ZFP30: variants seen among roughly 807,000 people sequenced by gnomAD.
ZFP30 encodes the protein ZFP30 zinc finger protein.
In ZFP30, 16 loss-of-function variants were observed where a neutral mutation model predicts 12.3. The ratio of observed to expected loss-of-function variants is 1.30; its 90% CI spans 0.88 to 1.98. The LOEUF (loss-of-function observed/expected upper bound fraction) is 1.98. Among genes scored for constraint, ZFP30 ranks in the 30% most tolerant of loss-of-function variants. The probability of loss-of-function intolerance (pLI) is 0.00; values close to 1 mark genes in which losing one functional copy is unlikely to be tolerated. For synonymous variants in ZFP30, 172 were observed against 201.0 expected (o/e 0.86, Z 1.22); for missense variants, 560 against 611.2 (o/e 0.92, Z 0.88).
chr19:37,650,683 C>T (rs2044630964), intron 2 of ZFP30, among the ~76,000 whole-genome samples: 1 of 152,086 alleles, frequency 6.6e-6, no homozygotes, highest in Non-Finnish European at 1.5e-5. Context: ...ACTCAACTCC[C>T]ACCCACATAT....
At position 37,633,334 on chromosome 19, in the gene ZFP30, A is replaced by G. The variant is rs16958863; in HGVS notation, c.*1647T>C. On this transcript the variant is annotated 3_prime_UTR_variant, in exon 6 of 6. Transcript: ENST00000684514. Reference sequence around the variant, plus strand: ...AATGTGTAGAGCTTTGGCAACATCCACAAGTTTTAATATGTAGAAATTTTC... The same window carrying G: ...AATGTGTAGAGCTTTGGCAACATCCGCAAGTTTTAATATGTAGAAATTTTC... 0.25 allele frequency: 38,208 copies of G among 151,056 alleles called. 5,468 individuals carry two copies. Among genetic ancestry groups the G allele is most frequent in the East Asian group, 0.63 (3,256 of 5,128 alleles). 9.4% of individuals were successfully genotyped at this position (151,056 alleles called of 1,614,324 possible). A position where few individuals can be genotyped will look rare whatever the true frequency, so the allele number is the denominator to read the frequency against.
chr19:37,647,874 A>AG lies in ZFP30; in HGVS notation c.-53dup. ...ATTTTCCTCAAGGTTCATGTACTTC[A>AG]GAAGCAGGGTCCACAGACACCAGAG... On this transcript the variant is annotated 5_prime_UTR_variant, in exon 3 of 6. Coordinates refer to ENST00000684514, the MANE Select transcript of ZFP30 (RefSeq NM_001320669.3). 6.2e-7 allele frequency: 1 copy of AG among 1,607,492 alleles called. No individual in the cohort carries two copies. The highest frequency in any genetic ancestry group is 8.5e-7 in the Non-Finnish European group (1 of 1,173,996).
At chr19:37,646,532 A>G (rs1457702732) in intron 3 of ZFP30, among the ~76,000 whole-genome samples, 1 of 152,132 alleles carries the variant, frequency 6.6e-6, no homozygotes, top group African/African-American at 2.4e-5. Flanking sequence ...AAGGTAAAAC[A>G]TATTGATGAT....
chr19:37,645,321 C>T lies in ZFP30; in HGVS notation c.10-585G>A, dbSNP rs117370852. 6.9e-3 allele frequency among the ~76,000 whole-genome samples: 1,047 copies of T among 152,058 alleles called. 32 individuals are homozygous for T. Among genetic ancestry groups the T allele is most frequent in the East Asian group, 0.055 (284 of 5,176 alleles). On this transcript the variant is annotated intron_variant, in intron 3 of 5. Transcript: ENST00000684514. ...GGAAGCCTGTGATGTGGGAAGGTGG[C>T]AATAAAGATGTGAGTGTGACTGAAG...
chr19:37,637,259 G>A (rs942467951), intron 5 of ZFP30, among the ~76,000 whole-genome samples: 5 of 147,496 alleles, frequency 3.4e-5, no homozygotes, highest in Non-Finnish European at 4.5e-5. Flanking sequence ...AGCTGGAGTG[G>A]AATGGCGCAA....
At chr19:37,647,274 T>C (rs953066245) in intron 3 of ZFP30, among the ~76,000 whole-genome samples, 1 of 152,164 alleles carries the variant, frequency 6.6e-6, no homozygotes, top group Non-Finnish European at 1.5e-5. Context: ...CTGGTACAAT[T>C]TGGCTGTGTC....
chr19:37,634,786 C>T lies in ZFP30; in HGVS notation c.*195G>A. On this transcript the variant is annotated 3_prime_UTR_variant, in exon 6 of 6. Transcript: ENST00000684514. ...AAAGTTCTTTTCTAGGATGAATTTC[C>T]TAAAGTTTAACATGGTTTCAAAGGT... 1.8e-6 allele frequency: 1 copy of T among 563,936 alleles called. No homozygotes were observed. The highest frequency in any genetic ancestry group is 5.7e-5 in the South Asian group (1 of 17,652). The allele number at this position is 563,936 out of a possible 1,614,324, so 34.9% of individuals were successfully genotyped here.
In ZFP30 at chr19:37,649,114, A is replaced by C. The variant is rs552398567; in HGVS notation, c.-77-1215T>G. On this transcript the variant is annotated intron_variant, in intron 2 of 5. Transcript: ENST00000684514. Reference sequence around the variant, plus strand: ...TTTTAAATTAGCTGGGTGTGTTGGCACCTGCCTGTATCCCTAGTTACTTGG... The same window carrying C: ...TTTTAAATTAGCTGGGTGTGTTGGCCCCTGCCTGTATCCCTAGTTACTTGG... Among the ~76,000 whole-genome samples the C allele has an allele frequency of 1.6e-4, 25 of 152,118 alleles. No homozygotes were observed. The East Asian group carries it at 4.8e-3, about 29-fold the overall frequency.
intron 3 of ZFP30, among the ~76,000 whole-genome samples, chr19:37,647,537 T>C (rs1482945355): frequency 6.6e-6 from 1 of 152,206 alleles, no homozygotes; most frequent in Non-Finnish European, 1.5e-5. Flanking sequence ...CCCAGCTATG[T>C]GGAACTGTGA....
At chr19:37,652,195 T>G (rs761790899) in intron 2 of ZFP30, among the ~76,000 whole-genome samples, 2 of 152,220 alleles carry the variant, frequency 1.3e-5, no homozygotes, top group Non-Finnish European at 2.9e-5. Flanking sequence ...ACAAGAGCAC[T>G]GAATTCCTCT....
In ZFP30 at chr19:37,638,991, C is replaced by T. The variant is rs184917582; in HGVS notation, c.236-2686G>A. Among the ~76,000 whole-genome samples the T allele has an allele frequency of 1.9e-4, 29 of 151,960 alleles. No individual in the cohort carries two copies. The East Asian group carries it at 4.6e-3, about 24-fold the overall frequency. On this transcript the variant is annotated intron_variant, in intron 5 of 5. Transcript: ENST00000684514. Reference sequence around the variant, plus strand: ...AATAAGTTTACTTTTAAAAAGTATACGCTAAAAAGATAGTAAAAGACAACA... The same window carrying T: ...AATAAGTTTACTTTTAAAAAGTATATGCTAAAAAGATAGTAAAAGACAACA...
chr19:37,646,722 T>C (rs532024386), intron 3 of ZFP30, among the ~76,000 whole-genome samples: 2 of 152,182 alleles, frequency 1.3e-5, no homozygotes, highest in African/African-American at 4.8e-5. Flanking sequence ...ACCACAGGCA[T>C]ATGCCACCAC....
At position 37,647,294 on chromosome 19, in the gene ZFP30, A is replaced by G. The variant is rs886428788; in HGVS notation, c.9+520T>C. Among the ~76,000 whole-genome samples the G allele has an allele frequency of 1.3e-4, 20 of 152,262 alleles. No individual in the cohort carries two copies. In the East Asian group the frequency reaches 3.3e-3, roughly 25 times the overall value. On this transcript the variant is annotated intron_variant, in intron 3 of 5. Transcript: ENST00000684514. ...ACAATTTGGCTGTGTCCCCACCCAA[A>G]TCTCATCTTGAATTGTAGCTCCCAT... is the stretch of plus-strand genomic sequence containing the variant.
intron 3 of ZFP30, among the ~76,000 whole-genome samples, chr19:37,646,997 C>A (rs2044555332): frequency 1.3e-5 from 2 of 151,958 alleles, no homozygotes; most frequent in Non-Finnish European, 1.5e-5. Context: ...ACATGTGTTT[C>A]TTTTTACTTT....
chr19:37,633,997 C>G lies in ZFP30; in HGVS notation c.*984G>C, dbSNP rs2044275932. ...TAATATTGTCAATATTCCATTCTCC[C>G]AATTATTGTTAAGTATCTCTTCTTT... On this transcript the variant is annotated 3_prime_UTR_variant, in exon 6 of 6. Transcript: ENST00000684514. The G allele has an allele frequency of 1.3e-5, 2 of 152,090 alleles. No individual in the cohort carries two copies. Among genetic ancestry groups the G allele is most frequent in the Admixed American group, 1.3e-4 (2 of 15,266 alleles). The allele number at this position is 152,090 out of a possible 1,614,324, so 9.4% of individuals were successfully genotyped here.
In ZFP30 at chr19:37,631,220, C is replaced by G. The variant is rs1376663144; in HGVS notation, c.*3761G>C. On this transcript the variant is annotated 3_prime_UTR_variant, in exon 6 of 6. Coordinates refer to ENST00000684514, the MANE Select transcript of ZFP30 (RefSeq NM_001320669.3). The stretch of plus-strand genomic sequence containing the variant: ...TATCTGTTAAAATGGGTTCATATCC[C>G]ATACTCACAAGCATTAAGAGTGAAA... 1 of 152,152 alleles carries G rather than the reference C, an allele frequency of 6.6e-6. No homozygotes were observed. The highest frequency in any genetic ancestry group is 1.5e-5 in the Non-Finnish European group (1 of 68,032). 9.4% of individuals were successfully genotyped at this position (152,152 alleles called of 1,614,324 possible).
intron 5 of ZFP30, among the ~76,000 whole-genome samples, chr19:37,641,157 G>C (rs2044427265): frequency 6.6e-6 from 1 of 152,146 alleles, no homozygotes; most frequent in African/African-American, 2.4e-5. Context: ...TACCATATAT[G>C]TGGTTTTACT....
chr19:37,634,669 C>T lies in ZFP30; in HGVS notation c.*312G>A, dbSNP rs2044285181. On this transcript the variant is annotated 3_prime_UTR_variant, in exon 6 of 6. Transcript: ENST00000684514. ...ACACATTTTCAGAATGAAGTGGTTC[C>T]CTAGCAACCTTCGTGTGTATATACA... 4.4e-6 allele frequency: 1 copy of T among 229,480 alleles called. No individual in the cohort carries two copies. Among genetic ancestry groups the T allele is most frequent in the African/African-American group, 2.2e-5 (1 of 44,686 alleles). 14.2% of individuals were successfully genotyped at this position (229,480 alleles called of 1,614,324 possible). A position where few individuals can be genotyped will look rare whatever the true frequency, so the allele number is the denominator to read the frequency against.
At chr19:37,640,438 T>C (rs2044411519) in intron 5 of ZFP30, among the ~76,000 whole-genome samples, 1 of 149,676 alleles carries the variant, frequency 6.7e-6, no homozygotes, top group Admixed American at 6.7e-5. Flanking sequence ...TAATATTAAC[T>C]AATAAAATTA....
Sources: gnomAD v4.1 joint callset for allele counts (sites outside exome capture counted in the v4.1 genomes callset) on GRCh38, gnomAD v4.1.1 for gene constraint, MANE v1.5 for transcripts, NCBI Gene and HGNC (gene_info 2026-07-23, HGNC 2026-07-21) for gene names.